Variants in SLC44A5 observed in about 807,000 individuals in gnomAD.
The protein encoded by SLC44A5 is choline transporter-like protein 5.
Under a neutral mutation model 101.8 loss-of-function variants are expected in SLC44A5, and 57 were observed. The observed-to-expected ratio is 0.56, with a 90% CI of 0.45 to 0.70. The LOEUF is 0.70. Among genes scored for constraint, SLC44A5 ranks in the 30% least tolerant of loss-of-function variants. The pLI, the probability that SLC44A5 is intolerant of heterozygous loss-of-function variation, is 0.00. For missense variants in SLC44A5, 737 were observed against 853.1 expected (o/e 0.86, Z 1.70); for synonymous variants, 281 against 290.9 (o/e 0.97, Z 0.35).
intron 2 of SLC44A5, among the ~76,000 whole-genome samples, chr1:75,447,385 A>AT (rs111926020): frequency 0.23 from 35,550 of 152,036 alleles, 4,290 homozygotes; most frequent in African/African-American, 0.26. Context: ...ATAATCACTT[A>AT]TTTTACCTAC....
the SLC44A5 span, among the ~76,000 whole-genome samples, chr1:75,662,913 C>T: frequency 6.6e-6 from 1 of 152,222 alleles, no homozygotes; most frequent in South Asian, 2.1e-4. Context: ...AACTCTCCAG[C>T]TGCTCTTATT....
chr1:75,251,396 C>A, intron 6 of SLC44A5, 102 bp from the exon 7 acceptor site: 3 of 875,582 alleles, frequency 3.4e-6, no homozygotes, highest in Non-Finnish European at 5.3e-6. Context: ...AAATTGGTTT[C>A]ATTATCTACA....
At chr1:75,402,810 A>G (rs530275219) in intron 2 of SLC44A5, among the ~76,000 whole-genome samples, 45 of 152,158 alleles carry the variant, frequency 3.0e-4, no homozygotes, top group African/African-American at 1.1e-3. Context: ...AGTTTTTTTC[A>G]TACCCCAGTG....
In SLC44A5 at chr1:75,356,326, AGGT is replaced by A. The variant is rs575616640; in HGVS notation, c.53-16699_53-16697del. Among the ~76,000 whole-genome samples, 17 of 151,506 alleles carry A rather than the reference AGGT, an allele frequency of 1.1e-4. No individual in the cohort carries two copies. In the South Asian group the frequency reaches 3.3e-3, roughly 30 times the overall value. ...GACCTCCCAGTGGGATAAGATGTGG[AGGT>A]GGAAGACAGTGATATTGGTAATCCT... On this transcript the variant is annotated intron_variant, in intron 3 of 23. Coordinates refer to ENST00000370859, the MANE Select transcript of SLC44A5 (RefSeq NM_001130058.2).
intron 1 of SLC44A5, among the ~76,000 whole-genome samples, chr1:75,563,807 A>C (rs1672647191): frequency 6.6e-6 from 1 of 152,190 alleles, no homozygotes; most frequent in South Asian, 2.1e-4. Context: ...ATTTGACTCC[A>C]TCAGTTTTCA....
intron 1 of SLC44A5, among the ~76,000 whole-genome samples, chr1:75,558,476 T>A (rs1480255275): frequency 6.6e-6 from 1 of 152,094 alleles, no homozygotes; most frequent in Non-Finnish European, 1.5e-5. Context: ...TTTTGTCATC[T>A]ACATGCATAG....
At chr1:75,282,888 G>A (rs1652721913) in intron 5 of SLC44A5, among the ~76,000 whole-genome samples, 1 of 152,118 alleles carries the variant, frequency 6.6e-6, no homozygotes, top group South Asian at 2.1e-4. Flanking sequence ...ACCCAGTCTT[G>A]GGTATGTTTT....
In SLC44A5 at chr1:75,605,446, T is replaced by A. The variant is rs1351285345; in HGVS notation, c.-70+5594A>T. ...GGCCCAAAAAAGCTACAAAAAAAGA[T>A]GCCTGAGAGGCCACCCCTCCTTTCA... is the stretch of plus-strand genomic sequence containing the variant. On this transcript the variant is annotated intron_variant, in intron 1 of 23. Transcript: ENST00000370859. Among the ~76,000 whole-genome samples, 6 of 152,082 alleles carry A rather than the reference T, an allele frequency of 3.9e-5. No individual in the cohort carries two copies. In the East Asian group the frequency reaches 1.2e-3, roughly 29 times the overall value.
the SLC44A5 span, among the ~76,000 whole-genome samples, chr1:75,696,963 G>C: frequency 2.2e-4 from 34 of 151,984 alleles, no homozygotes; most frequent in African/African-American, 8.0e-4. Flanking sequence ...CCAGAGTTCT[G>C]AAAATGAGAG....
chr1:75,295,608 G>C (rs948568511), intron 5 of SLC44A5, among the ~76,000 whole-genome samples: 1 of 152,226 alleles, frequency 6.6e-6, no homozygotes, highest in Non-Finnish European at 1.5e-5. Context: ...CAAGAAGCCA[G>C]TTTGGATGCA....
At chr1:75,503,059 G>A (rs1233276968) in intron 2 of SLC44A5, among the ~76,000 whole-genome samples, 1 of 152,086 alleles carries the variant, frequency 6.6e-6, no homozygotes, top group African/African-American at 2.4e-5. Context: ...TGAACAAAAG[G>A]TACTATTGTC....
chr1:75,281,646 C>CA (rs1652584843), intron 5 of SLC44A5, among the ~76,000 whole-genome samples: 1 of 111,134 alleles, frequency 9.0e-6, no homozygotes, highest in African/African-American at 2.9e-5. Flanking sequence ...GCCCCCCCCC[C>CA]CCCCCGCTGC....
chr1:75,330,118 C>T (rs1359080174), intron 4 of SLC44A5, among the ~76,000 whole-genome samples: 1 of 144,590 alleles, frequency 6.9e-6, no homozygotes, highest in African/African-American at 2.8e-5. Flanking sequence ...CACACACACA[C>T]ACACACACAC....
At position 75,237,062 on chromosome 1, in the gene SLC44A5, T is replaced by C. The variant is rs1455840322; in HGVS notation, c.665A>G (p.Asn222Ser). Residue 222 changes from asparagine (N) to serine (S), a missense_variant, in exon 11 of 24, where the codon AAT becomes AGT. This residue lies in a region of SLC44A5 where 665 missense variants were observed against 764.4 expected (regional missense o/e 0.87). Coordinates refer to ENST00000370859, the MANE Select transcript of SLC44A5 (RefSeq NM_001130058.2). Reference sequence around the variant, plus strand: ...AAGTGACTTTGCATCAAGAAGTTTATTGATACCACTGCATTGAAAGAAGGG... The same window carrying C: ...AAGTGACTTTGCATCAAGAAGTTTACTGATACCACTGCATTGAAAGAAGGG... ...VELGIAANGI[N>S]KLLDAKSLGL... 3.1e-6 allele frequency: 5 copies of C among 1,596,246 alleles called. No individual in the cohort carries two copies. The highest frequency in any genetic ancestry group is 4.3e-6 in the Non-Finnish European group (5 of 1,165,890).
chr1:75,576,051 C>G (rs539714488), intron 1 of SLC44A5, among the ~76,000 whole-genome samples: 8 of 149,844 alleles, frequency 5.3e-5, no homozygotes, highest in African/African-American at 2.0e-4. Context: ...CTATGTAGTA[C>G]AGAAAACTGC....
intron 19 of SLC44A5, 85 bp downstream of exon 19, chr1:75,215,669 A>G (rs547041552): frequency 2.2e-5 from 17 of 755,602 alleles, no homozygotes; most frequent in Non-Finnish European, 3.9e-5. Context: ...TGCATGAAGT[A>G]AAAGTACTTT....
the SLC44A5 span, among the ~76,000 whole-genome samples, chr1:75,715,113 A>AT: frequency 6.6e-6 from 1 of 152,194 alleles, no homozygotes; most frequent in Admixed American, 6.5e-5. Flanking sequence ...TCTCTACGAG[A>AT]ATTACAAAAC....
intron 1 of SLC44A5, among the ~76,000 whole-genome samples, chr1:75,558,594 G>A (rs971125776): frequency 2.0e-5 from 3 of 152,046 alleles, no homozygotes; most frequent in African/African-American, 4.8e-5. Context: ...GAAAAAGTTT[G>A]AAGATCATAT....
upstream of SLC44A5, chr1:75,615,995 T>G: frequency 1.7e-6 from 1 of 595,098 alleles, no homozygotes; most frequent in Non-Finnish European, 2.1e-6. Flanking sequence ...TCTTTGTTGC[T>G]GTGATGGCAT....
Sources: gnomAD v4.1 joint callset for allele counts (sites outside exome capture counted in the v4.1 genomes callset) on GRCh38, gnomAD v4.1.1 for gene constraint, gnomAD v4.1.1 regional missense constraint, MANE v1.5 for transcripts, NCBI Gene and HGNC (gene_info 2026-07-23, HGNC 2026-07-21) for gene names.